GOLGA3: variants seen among roughly 807,000 people sequenced by gnomAD.
GOLGA3 encodes the protein golgin subfamily A member 3.
A neutral mutation model predicts 169.4 loss-of-function variants in GOLGA3; 75 were observed. The ratio of observed to expected loss-of-function variants is 0.44; its 90% confidence interval spans 0.37 to 0.54. The LOEUF (loss-of-function observed/expected upper bound fraction) is 0.54. GOLGA3 is among the 20% of genes least tolerant of loss of function. The pLI is 0.00. For synonymous variants in GOLGA3, 824 were observed against 822.4 expected, an observed-to-expected ratio of 1.00 and a Z score of -0.03; for missense variants, 1,899 against 1,930.0, an observed-to-expected ratio of 0.98 and a Z score of 0.30.
At chr12:132,803,881 G>A (rs1044451500) in intron 7 of GOLGA3, among the ~76,000 whole-genome samples, 1 of 152,058 alleles carries the variant, frequency 6.6e-6, no homozygotes, top group Admixed American at 6.6e-5. Flanking sequence ...GAGGACTCTG[G>A]ACCCGGGTCA....
chr12:132,792,412 G>A (rs1948573319), intron 11 of GOLGA3, among the ~76,000 whole-genome samples: 1 of 152,252 alleles, frequency 6.6e-6, no homozygotes. Flanking sequence ...CTGTTACAGT[G>A]ACAGTTTACA....
At position 132,777,879 on chromosome 12, in the gene GOLGA3, G is replaced by A; in HGVS notation, c.3583-74C>T. The stretch of plus-strand genomic sequence containing the variant: ...CTTTATGACGTGCCGGGCGCAGGGG[G>A]TGAATGCACTCCCGGCCCCGTGCAT... On this transcript the variant is annotated intron_variant, in intron 18 of 23. Coordinates refer to ENST00000450791, the MANE Select transcript of GOLGA3 (RefSeq NM_001389683.1). The surrounding 1 kb of genome is among the most constrained non-coding windows in gnomAD (Gnocchi z 4.7). The A allele has an allele frequency of 2.0e-6, 3 of 1,524,560 alleles. No individual in the cohort carries two copies. Among genetic ancestry groups the A allele is most frequent in the Middle Eastern group, 1.7e-4 (1 of 5,816 alleles). 94.4% of individuals were successfully genotyped at this position (1,524,560 alleles called of 1,614,324 possible).
At chr12:132,786,978 G>T (rs1349306485) in intron 13 of GOLGA3, among the ~76,000 whole-genome samples, 191 bp from the exon 14 acceptor site, 1 of 151,340 alleles carries the variant, frequency 6.6e-6, no homozygotes, top group Non-Finnish European at 1.5e-5. Context: ...TATTGAGATG[G>T]AGTCTCACTC....
rs768605388 is a variant in GOLGA3, at chr12:132,795,966, G to C, written c.2355C>G (p.Ala785=). The change falls in exon 11 of 24, where the codon GCC becomes GCG. Residue 785 remains alanine, a synonymous_variant. Coordinates refer to ENST00000450791, the MANE Select transcript of GOLGA3 (RefSeq NM_001389683.1). Reference sequence around the variant, plus strand: ...TGTCAAGCTCCTCCTTGCCACTCTTGGCCGCCTGCAAAGCCGCCTCCAAGA... The same window carrying C: ...TGTCAAGCTCCTCCTTGCCACTCTTCGCCGCCTGCAAAGCCGCCTCCAAGA... The part of the protein sequence containing the change: ...KIILEAALQA[A]KSGKEELDRG... 1 of 1,613,750 alleles carries C rather than the reference G, an allele frequency of 6.2e-7. No individual in the cohort carries two copies. The highest frequency in any genetic ancestry group is 1.3e-5 in the African/African-American group (1 of 74,906).
intron 6 of GOLGA3, among the ~76,000 whole-genome samples, chr12:132,805,862 C>T (rs894326856): frequency 6.6e-6 from 1 of 152,168 alleles, no homozygotes; most frequent in Non-Finnish European, 1.5e-5. Context: ...GAATGCCAGA[C>T]GTGTAGAGGG....
At chr12:132,802,036 G>A (rs544457954) in intron 7 of GOLGA3, 67 bp from the exon 8 acceptor site, 6 of 1,255,460 alleles carry the variant, frequency 4.8e-6, no homozygotes, top group East Asian at 2.4e-5. Flanking sequence ...AGCTCCGCGC[G>A]TGCGGGACAC....
chr12:132,782,881 A>C (rs1240093143), intron 16 of GOLGA3, among the ~76,000 whole-genome samples: 1 of 151,660 alleles, frequency 6.6e-6, no homozygotes, highest in Admixed American at 6.6e-5. Context: ...GTCTCAAAAA[A>C]AAAAAAAAAA....
At chr12:132,816,154 C>T (rs752042555) in intron 3 of GOLGA3, among the ~76,000 whole-genome samples, 1 of 152,102 alleles carries the variant, frequency 6.6e-6, no homozygotes, top group Non-Finnish European at 1.5e-5. Flanking sequence ...GCCGAGACAG[C>T]GCCACTGCAG....
intron 4 of GOLGA3, 134 bp downstream of exon 4, chr12:132,813,173 T>C (rs1158468414): frequency 7.8e-6 from 5 of 638,050 alleles, no homozygotes; most frequent in Non-Finnish European, 1.1e-5. Flanking sequence ...GATTTAGAAA[T>C]AAAATGTGCT....
In GOLGA3 at chr12:132,786,379, C is replaced by A; in HGVS notation, c.3083G>T (p.Arg1028Leu). ...GCTGTCACTGCTGCCACCCTGGGCT[C>A]GGAGCTGGCCCAGCTCCGCGTCCGC... is the stretch of plus-strand genomic sequence containing the variant. ...EAADAELGQL[R>L]AQGGSSDSSL... Residue 1028 changes from arginine to leucine, a missense_variant, in exon 15 of 24, where the codon CGA becomes CTA. Coordinates refer to ENST00000450791, the MANE Select transcript of GOLGA3 (RefSeq NM_001389683.1). 6.2e-7 allele frequency: 1 copy of A among 1,609,680 alleles called. No homozygotes were observed. The highest frequency in any genetic ancestry group is 8.5e-7 in the Non-Finnish European group (1 of 1,177,640).
Position 132,816,642 on chromosome 12 carries a change from C to CA in GOLGA3, c.303dup (p.Asp102Ter). 6.2e-7 allele frequency: 1 copy of CA among 1,614,184 alleles called. No individual in the cohort carries two copies. The highest frequency in any genetic ancestry group is 8.5e-7 in the Non-Finnish European group (1 of 1,180,022). ...GTTCCCTGAGACTTCCTTAGGTTGT[C>CA]ATGGAAACCAGCCACACCTGGAGAG... On this transcript the variant is annotated frameshift_variant, in exon 3 of 24. Coordinates refer to ENST00000450791, the MANE Select transcript of GOLGA3 (RefSeq NM_001389683.1). LOFTEE classifies it high-confidence loss of function.
At chr12:132,803,068 AAAC>A (rs967800557) in intron 7 of GOLGA3, among the ~76,000 whole-genome samples, 5 of 76,926 alleles carry the variant, frequency 6.5e-5, no homozygotes, top group African/African-American at 1.3e-4. Context: ...AAACAAAACA[AAAC>A]AACAACAACA....
At chr12:132,814,620 C>T (rs1019256264) in intron 3 of GOLGA3, among the ~76,000 whole-genome samples, 18 of 152,208 alleles carry the variant, frequency 1.2e-4, no homozygotes, top group Admixed American at 9.2e-4. Context: ...AGTCACATTA[C>T]GATAAGGCTC....
chr12:132,796,678 G>A lies in GOLGA3; in HGVS notation c.1961C>T (p.Ala654Val). ...GIEADMLDQEAAFMQIQEAKT... is the reference protein window; with the variant it reads ...GIEADMLDQEVAFMQIQEAKT... The stretch of plus-strand genomic sequence containing the variant: ...TGCCTCCTGAATCTGCATGAAGGCT[G>A]CTTCCTGATCCAACATGTCAGCCTG... The change falls in exon 10 of 24, where the codon GCA (alanine) becomes GTA (valine). Residue 654 changes from alanine (A) to valine (V), a missense_variant. Transcript: ENST00000450791. 6.2e-7 allele frequency: 1 copy of A among 1,614,000 alleles called. No individual in the cohort carries two copies. Among genetic ancestry groups the A allele is most frequent in the South Asian group, 1.1e-5 (1 of 91,080 alleles).
rs1192716989 is a variant in GOLGA3, at chr12:132,777,142, T to C, written c.3723-52A>G. 2.6e-6 allele frequency: 4 copies of C among 1,533,002 alleles called. No homozygotes were observed. Among genetic ancestry groups the C allele is most frequent in the Admixed American group, 2.1e-5 (1 of 47,564 alleles). 95.0% of individuals were successfully genotyped at this position (1,533,002 alleles called of 1,614,324 possible). ...GAATCGCCACGCTCCTCCAGTGTGC[T>C]GTGCCCTCCCGCTGGGAAATGCTGC... On this transcript the variant is annotated intron_variant, in intron 19 of 23. Coordinates refer to ENST00000450791, the MANE Select transcript of GOLGA3 (RefSeq NM_001389683.1). This position sits in a 1 kb window ranked among gnomAD's most constrained non-coding sequence, Gnocchi z 4.7.
chr12:132,786,490 T>C lies in GOLGA3; in HGVS notation c.2972A>G (p.Glu991Gly). Residue 991 changes from glutamate (E) to glycine (G), a missense_variant, in exon 15 of 24, where the codon GAG becomes GGG. Coordinates refer to ENST00000450791, the MANE Select transcript of GOLGA3 (RefSeq NM_001389683.1). ...LGSDLTSAQK[E>G]MKTKHKAYEN... is the part of the protein sequence containing the mutation. ...GTAGGCCTTATGTTTGGTCTTCATCTCCTTCTGGGCGCTGGTCAAGTCTGA... is the reference window on the plus strand; with the variant it reads ...GTAGGCCTTATGTTTGGTCTTCATCCCCTTCTGGGCGCTGGTCAAGTCTGA... The C allele has an allele frequency of 6.2e-7, 1 of 1,613,742 alleles. No homozygotes were observed. The highest frequency in any genetic ancestry group is 1.6e-4 in the Middle Eastern group (1 of 6,062).
chr12:132,798,511 T>TC, intron 8 of GOLGA3, 34 bp from the exon 9 acceptor site: 1 of 1,578,388 alleles, frequency 6.3e-7, no homozygotes, highest in Non-Finnish European at 8.5e-7. Flanking sequence ...AAAAAGTTGC[T>TC]CAATTTCAAG....
chr12:132,810,809 CG>C (rs1949667419), intron 4 of GOLGA3, among the ~76,000 whole-genome samples: 1 of 152,196 alleles, frequency 6.6e-6, no homozygotes, highest in East Asian at 1.9e-4. Context: ...GAGGGCCTGA[CG>C]TCAGTCAGGC....
intron 14 of GOLGA3, 58 bp downstream of exon 14, chr12:132,786,635 C>A: frequency 1.9e-6 from 2 of 1,062,438 alleles, no homozygotes; most frequent in Non-Finnish European, 1.3e-6. Context: ...CGCCTCCCCC[C>A]CGGCCCCCGC....
Sources: allele counts gnomAD v4.1 joint callset (sites outside exome capture counted in the v4.1 genomes callset), GRCh38; gene constraint gnomAD v4.1.1; non-coding constraint Gnocchi (gnomAD v3.1); transcripts MANE v1.5; gene names NCBI Gene and HGNC (gene_info 2026-07-23, HGNC 2026-07-21).